Variants in LBP observed in about 807,000 individuals in gnomAD.
LBP encodes the protein lipopolysaccharide binding protein, also known as lipopolysaccharide-binding protein.
Under a neutral mutation model 56.6 loss-of-function variants are expected in LBP, and 53 were observed. That is an observed-to-expected ratio of 0.94 (90% confidence interval 0.75 to 1.18). The LOEUF (loss-of-function observed/expected upper bound fraction) is 1.18, where lower values mean the gene tolerates loss of function less well. Ranked by LOEUF, LBP falls within the 50% of genes most tolerant of loss-of-function variation. The probability of loss-of-function intolerance (pLI) is 0.00; values close to 1 mark genes in which losing one functional copy is unlikely to be tolerated. For synonymous variants in LBP, 227 were observed against 247.5 expected (o/e 0.92, Z 0.78); for missense variants, 601 against 598.3 (o/e 1.00, Z -0.05).
intron 1 of LBP, among the ~76,000 whole-genome samples, chr20:38,348,692 T>C (rs2076809382): frequency 6.6e-6 from 1 of 152,200 alleles, no homozygotes; most frequent in African/African-American, 2.4e-5. Flanking sequence ...GGAGTGCTTG[T>C]TATCCTCACA....
intron 8 of LBP, among the ~76,000 whole-genome samples, chr20:38,365,713 AAAAAAT>A (rs1244501984): frequency 6.1e-4 from 18 of 29,584 alleles, no homozygotes; most frequent in East Asian, 1.4e-3. Context: ...AAAAAAAAAA[AAAAAAT>A]ATATATATAT....
At chr20:38,375,242 C>T (rs2083951770) in intron 14 of LBP, among the ~76,000 whole-genome samples, 1 of 151,382 alleles carries the variant, frequency 6.6e-6, no homozygotes, top group Non-Finnish European at 1.5e-5. Context: ...ATTACTAGTG[C>T]TCATACCTGT....
At chr20:38,349,448 T>A (rs2076812529) in intron 1 of LBP, 100 bp from the exon 2 acceptor site, 1 of 793,586 alleles carries the variant, frequency 1.3e-6, no homozygotes, top group African/African-American at 1.7e-5. Flanking sequence ...AATAAGGATG[T>A]TGGCCCCTCT....
rs1274584967 is a variant in LBP at position 38,364,014 on chromosome 20, G to A, written c.692G>A (p.Ser231Asn). The A allele has an allele frequency of 1.2e-6, 2 of 1,613,926 alleles. No individual in the cohort carries two copies. Among genetic ancestry groups the A allele is most frequent in the African/African-American group, 2.7e-5 (2 of 74,918 alleles). ...EIDSFADIDYSLVEAPRATAQ... is the reference protein window; with the variant it reads ...EIDSFADIDYNLVEAPRATAQ... ...GACAGTTTCGCCGACATTGATTATA[G>A]CTTAGTGGAAGCCCCTCGGGCAACA... Residue 231 changes from serine (S) to asparagine (N), a missense_variant, in exon 7 of 15, where the codon AGC becomes AAC. Physicochemically the swap from Ser to Asn is conservative, Grantham distance 46. Transcript: ENST00000217407.
chr20:38,354,435 T>TC lies in LBP; in HGVS notation c.520_521insC (p.Leu174SerfsTer13), dbSNP rs1568828319. 1 of 1,610,152 alleles carries TC rather than the reference T, an allele frequency of 6.2e-7. No homozygotes were observed. The highest frequency in any genetic ancestry group is 8.5e-7 in the Non-Finnish European group (1 of 1,178,312). On this transcript the variant is annotated frameshift_variant, in exon 4 of 15. Coordinates refer to ENST00000217407, the MANE Select transcript of LBP (RefSeq NM_004139.5). LOFTEE classifies it high-confidence loss of function. ...CGTGGAGGTGGACATGTCGGGAGAC[T>TC]TGGGGTAGGTCTCCATCGGGGCACT...
intron 3 of LBP, among the ~76,000 whole-genome samples, chr20:38,351,431 C>T (rs2076820142): frequency 6.6e-6 from 1 of 152,100 alleles, no homozygotes; most frequent in African/African-American, 2.4e-5. Context: ...GTCACCCCGT[C>T]CTCCTGCTTG....
rs747442584 is a variant in LBP at position 38,350,937 on chromosome 20, C to A, written c.366C>A (p.Phe122Leu). The A allele has an allele frequency of 1.2e-6, 2 of 1,613,310 alleles. No individual in the cohort carries two copies. Among genetic ancestry groups the A allele is most frequent in the South Asian group, 1.1e-5 (1 of 91,034 alleles). Residue 122 changes from phenylalanine (F) to leucine (L), a missense_variant and splice_region_variant, in exon 3 of 15, where the codon TTC becomes TTA. Physicochemically the swap from Phe to Leu is conservative, Grantham distance 22. Transcript: ENST00000217407. ...VQGRWKVRKSFFKLQGSFDVS... is the reference protein window; with the variant it reads ...VQGRWKVRKSLFKLQGSFDVS... ...GCAGGTGGAAGGTGCGCAAGTCATT[C>A]TTGTAAGTTGGCTCTGCTCCCAGGC...
chr20:38,359,610 C>T (rs898937002), intron 5 of LBP, among the ~76,000 whole-genome samples: 5 of 150,882 alleles, frequency 3.3e-5, no homozygotes, highest in African/African-American at 9.8e-5. Context: ...AAAAAAAAAA[C>T]TCTTTTCTCA....
intron 14 of LBP, among the ~76,000 whole-genome samples, chr20:38,374,437 A>G (rs1205210516): frequency 6.6e-6 from 1 of 151,936 alleles, no homozygotes; most frequent in Non-Finnish European, 1.5e-5. Context: ...TCTCTATTAA[A>G]AATACAAAAA....
chr20:38,352,239 A>G (rs1207520583), intron 3 of LBP, among the ~76,000 whole-genome samples: 2 of 152,136 alleles, frequency 1.3e-5, no homozygotes, highest in African/African-American at 4.8e-5. Flanking sequence ...CAACATCTGA[A>G]TTTGGGAGGC....
intron 4 of LBP, 38 bp downstream of exon 4, chr20:38,354,477 G>T: frequency 1.3e-6 from 2 of 1,577,844 alleles, no homozygotes; most frequent in South Asian, 1.2e-5. Context: ...TGGACTCCTG[G>T]TTGCAGCTCC....
rs75233790 is a variant in LBP, at chr20:38,349,333, G to T, written c.125-215G>T. Among the ~76,000 whole-genome samples the T allele has an allele frequency of 7.3e-3, 1,106 of 152,210 alleles. 11 individuals are homozygous for T. Among genetic ancestry groups the T allele is most frequent in the African/African-American group, 0.019 (771 of 41,492 alleles). On this transcript the variant is annotated intron_variant, in intron 1 of 14. Coordinates refer to ENST00000217407, the MANE Select transcript of LBP (RefSeq NM_004139.5). The stretch of plus-strand genomic sequence containing the variant: ...CATTCCATTTCCTCATCAGTAAAAT[G>T]GGCATGAACCTAACAATGCCACAGA...
intron 9 of LBP, among the ~76,000 whole-genome samples, chr20:38,368,357 T>C (rs1247960816): frequency 6.6e-6 from 1 of 152,130 alleles, no homozygotes. Flanking sequence ...CCCAGCACTT[T>C]GGGAGGCTGA....
intron 11 of LBP, 55 bp from the exon 12 acceptor site, chr20:38,371,225 A>T: frequency 6.7e-7 from 1 of 1,482,784 alleles, no homozygotes; most frequent in Non-Finnish European, 9.4e-7. Flanking sequence ...GGACCCCCGC[A>T]TTGCTTAAAC....
rs1368643256 is a variant in LBP, at chr20:38,369,006, C to T, written c.993C>T (p.Leu331=). ...FRPFVPRLAR[L]YPNMNLELQG... is the part of the protein sequence containing the mutation. Reference sequence around the variant, plus strand: ...AATTCTGCTCCCAGTTAGCCAGGCTCTACCCCAACATGAACCTGGAACTCC... The same window carrying T: ...AATTCTGCTCCCAGTTAGCCAGGCTTTACCCCAACATGAACCTGGAACTCC... The change falls in exon 10 of 15, where the codon CTC becomes CTT. Residue 331 remains leucine (L), a synonymous_variant. Coordinates refer to ENST00000217407, the MANE Select transcript of LBP (RefSeq NM_004139.5). 1.2e-6 allele frequency: 2 copies of T among 1,614,156 alleles called. No homozygotes were observed. Among genetic ancestry groups the T allele is most frequent in the Non-Finnish European group, 8.5e-7 (1 of 1,180,016 alleles).
intron 6 of LBP, among the ~76,000 whole-genome samples, chr20:38,361,431 G>A (rs556990309): frequency 6.6e-6 from 1 of 151,804 alleles, no homozygotes; most frequent in Admixed American, 6.6e-5. Context: ...TTGAGATGGG[G>A]TCTCACTCTG....
intron 7 of LBP, among the ~76,000 whole-genome samples, 165 bp downstream of exon 7, chr20:38,364,231 A>G (rs920009709): frequency 1.3e-5 from 2 of 152,166 alleles, no homozygotes; most frequent in African/African-American, 2.4e-5. Flanking sequence ...TTCCAGAGCT[A>G]GGATTCTCCC....
intron 12 of LBP, among the ~76,000 whole-genome samples, chr20:38,371,637 G>A (rs563531759): frequency 1.1e-4 from 16 of 152,176 alleles, no homozygotes; most frequent in East Asian, 3.9e-4. Flanking sequence ...AAAAATAAAC[G>A]AAAAAACTAA....
intron 5 of LBP, among the ~76,000 whole-genome samples, chr20:38,356,304 C>T (rs571005130): frequency 3.6e-5 from 5 of 137,812 alleles, no homozygotes; most frequent in African/African-American, 1.4e-4. Context: ...ACACCCTACA[C>T]ACACAAAACA....
Sources: gnomAD v4.1 joint callset for allele counts (sites outside exome capture counted in the v4.1 genomes callset) on GRCh38, gnomAD v4.1.1 for gene constraint, MANE v1.5 for transcripts, NCBI Gene and HGNC (gene_info 2026-07-23, HGNC 2026-07-21) for gene names.